DHX57: variants seen among roughly 807,000 people sequenced by gnomAD.
DHX57 encodes the protein putative ATP-dependent RNA helicase DHX57.
DHX57 carries 105 observed loss-of-function variants against 156.2 expected under a neutral mutation model. The observed-to-expected ratio is 0.67, with a 90% CI of 0.57 to 0.79. DHX57 has a LOEUF of 0.79. DHX57 is among the 30% of genes least tolerant of loss of function. The probability of loss-of-function intolerance (pLI) is 0.00; values close to 1 mark genes in which losing one functional copy is unlikely to be tolerated. For synonymous variants in DHX57, 704 were observed against 595.6 expected (o/e 1.18, Z -2.65); for missense variants, 1,847 against 1,661.9 (o/e 1.11, Z -1.94).
intron 21 of DHX57, chr2:38,811,144 G>A: frequency 1.9e-6 from 1 of 524,272 alleles, no homozygotes; most frequent in Non-Finnish European, 3.6e-6. Flanking sequence ...TGTTCCATGG[G>A]TGCTTCAGAG....
intron 17 of DHX57, 130 bp downstream of exon 17, chr2:38,822,863 C>T (rs2148558993): frequency 1.1e-6 from 1 of 918,840 alleles, no homozygotes; most frequent in Non-Finnish European, 1.6e-6. Flanking sequence ...GCAGATGTGC[C>T]CTAAAAATTC....
chr2:38,861,440 C>G lies in DHX57; in HGVS notation c.970G>C (p.Glu324Gln). The G allele has an allele frequency of 7.4e-6, 12 of 1,614,058 alleles. No homozygotes were observed. Among genetic ancestry groups the G allele is most frequent in the Non-Finnish European group, 1.0e-5 (12 of 1,180,014 alleles). The change falls in exon 5 of 24, where the codon GAA (glutamate) becomes CAA (glutamine). Residue 324 changes from glutamate to glutamine, a missense_variant. Coordinates refer to ENST00000457308, the MANE Select transcript of DHX57 (RefSeq NM_198963.3). Reference protein sequence around the residue: ...KFGSKCRFKHEVPPNQIVGRI... With the variant: ...KFGSKCRFKHQVPPNQIVGRI... The stretch of plus-strand genomic sequence containing the variant: ...CCAACAATTTGATTTGGGGGCACTT[C>G]ATGTTTGAATCTGCATTTTGATCCA...
rs776116114 is a variant in DHX57, at chr2:38,868,363, C to T, written c.43G>A (p.Gly15Ser). The T allele has an allele frequency of 1.2e-6, 2 of 1,613,630 alleles. No individual in the cohort carries two copies. The highest frequency in any genetic ancestry group is 2.7e-5 in the African/African-American group (2 of 74,910). ...CCTCCTCTAGAAGACCCTTTTCCAC[C>T]TCCTTTGCCTGGCTTGCCTTTTCTT... ...VRRKGKPGKGGGKGSSRGGRG... is the reference protein window; with the variant it reads ...VRRKGKPGKGSGKGSSRGGRG... The change falls in exon 2 of 24, where the codon GGT becomes AGT. Residue 15 changes from glycine (G) to serine (S), a missense_variant. Gly to Ser is a moderately conservative substitution (Grantham distance 56, BLOSUM62 0). Coordinates refer to ENST00000457308, the MANE Select transcript of DHX57 (RefSeq NM_198963.3).
chr2:38,801,664 G>C (rs184857563), intron 23 of DHX57, among the ~76,000 whole-genome samples: 223 of 151,826 alleles, frequency 1.5e-3, no homozygotes, highest in Admixed American at 3.9e-3. Flanking sequence ...GCGCAATCTC[G>C]GCTCACTGCA....
chr2:38,806,275 T>C (rs1669931499), intron 22 of DHX57: 2 of 326,050 alleles, frequency 6.1e-6, no homozygotes, highest in South Asian at 1.3e-4. Flanking sequence ...ACAGATTCAG[T>C]GATGTAATTA....
Position 38,856,324 on chromosome 2 carries a change from T to C in DHX57, c.1709+16A>G, listed in dbSNP as rs576934129. On this transcript the variant is annotated intron_variant, in intron 7 of 23. Coordinates refer to ENST00000457308, the MANE Select transcript of DHX57 (RefSeq NM_198963.3). The stretch of plus-strand genomic sequence containing the variant: ...TTTATAGATGAAAGCTACAGATGAA[T>C]AAACTGCATTCTTACCCAGTCATAC... The C allele has an allele frequency of 3.1e-6, 5 of 1,602,862 alleles. No homozygotes were observed. Among genetic ancestry groups the C allele is most frequent in the Non-Finnish European group, 4.2e-6 (5 of 1,176,910 alleles).
intron 2 of DHX57, 91 bp downstream of exon 2, chr2:38,868,091 C>A (rs574556248): frequency 1.3e-6 from 2 of 1,489,988 alleles, no homozygotes; most frequent in Non-Finnish European, 1.8e-6. Flanking sequence ...CAGAATTACT[C>A]GACTTTTTTT....
intron 21 of DHX57, chr2:38,810,387 G>C: frequency 2.0e-6 from 1 of 497,264 alleles, no homozygotes; most frequent in South Asian, 1.5e-5. Flanking sequence ...CCTGTACTTG[G>C]GGAATCTGCA....
chr2:38,870,177 C>T (rs955458205), intron 1 of DHX57, among the ~76,000 whole-genome samples: 4 of 151,430 alleles, frequency 2.6e-5, no homozygotes, highest in South Asian at 2.1e-4. Context: ...ACAGAGAGAA[C>T]GATAAATGAA....
intron 16 of DHX57, among the ~76,000 whole-genome samples, chr2:38,824,376 G>A (rs1292114786): frequency 1.3e-5 from 2 of 152,182 alleles, no homozygotes; most frequent in African/African-American, 2.4e-5. Flanking sequence ...GAGAGTTGCA[G>A]TCCAATAGGT....
At chr2:38,845,864 A>G (rs933513819) in intron 11 of DHX57, among the ~76,000 whole-genome samples, 5 of 143,164 alleles carry the variant, frequency 3.5e-5, no homozygotes, top group African/African-American at 1.3e-4. Context: ...ATAATAGCTA[A>G]CTTTTTTTTT....
intron 21 of DHX57, chr2:38,811,496 G>A (rs1670245994): frequency 2.5e-6 from 2 of 797,672 alleles, no homozygotes; most frequent in East Asian, 5.6e-5. Flanking sequence ...TGGACCCAAG[G>A]TTCAGTGCCT....
intron 22 of DHX57, among the ~76,000 whole-genome samples, chr2:38,805,426 C>G (rs947526152): frequency 5.3e-5 from 8 of 152,082 alleles, no homozygotes; most frequent in African/African-American, 1.9e-4. Context: ...TTGACATAGT[C>G]TAATTGATGT....
At chr2:38,818,476 C>T (rs764255625) in intron 19 of DHX57, among the ~76,000 whole-genome samples, 5 of 152,080 alleles carry the variant, frequency 3.3e-5, no homozygotes, top group Non-Finnish European at 5.9e-5. Context: ...GCAAGTGAGC[C>T]GAGATCGCAC....
chr2:38,841,732 G>A (rs58080550), intron 12 of DHX57, among the ~76,000 whole-genome samples: 2,177 of 152,298 alleles, frequency 0.014, 65 homozygotes, highest in African/African-American at 0.05. Flanking sequence ...CCTGCTTGTA[G>A]TCTAGGCTTC....
intron 21 of DHX57, chr2:38,811,607 G>A (rs1670251610): frequency 7.3e-7 from 1 of 1,371,618 alleles, no homozygotes; most frequent in Admixed American, 1.7e-5. Flanking sequence ...TGCAGGAGGT[G>A]TCCAGGCCGG....
At chr2:38,827,485 C>CAA (rs1196817843) in intron 14 of DHX57, among the ~76,000 whole-genome samples, 444 of 8,314 alleles carry the variant, frequency 0.053, 28 homozygotes, top group Admixed American at 0.061. Flanking sequence ...GACTCTGTCT[C>CAA]AAAAAAAAAA....
chr2:38,875,812 C>T lies in DHX57; in HGVS notation c.-32G>A. ...CTGGCTCGCAGAGTTGGGTCCCGAG[C>T]CGGCTGTCGGGAGGTGCTGCCCAAG... On this transcript the variant is annotated 5_prime_UTR_variant, in exon 1 of 24. Transcript: ENST00000457308. 1.0e-5 allele frequency: 4 copies of T among 385,408 alleles called. No homozygotes were observed. Among genetic ancestry groups the T allele is most frequent in the Non-Finnish European group, 1.4e-5 (3 of 218,110 alleles). 23.9% of individuals were successfully genotyped at this position (385,408 alleles called of 1,614,324 possible).
chr2:38,843,021 G>C lies in DHX57; in HGVS notation c.2409C>G (p.Leu803=), dbSNP rs1433604326. ...VPDQQLDFKQ[L]LARYKGVSKS... ...GCATGTTACCTTTATAGCGGGCCAGGAGCTGCTTAAAATCTAACTGTTGAT... is the reference window on the plus strand; with the variant it reads ...GCATGTTACCTTTATAGCGGGCCAGCAGCTGCTTAAAATCTAACTGTTGAT... The change falls in exon 12 of 24, where the codon CTC becomes CTG. Residue 803 remains leucine, a synonymous_variant. Coordinates refer to ENST00000457308, the MANE Select transcript of DHX57 (RefSeq NM_198963.3). 6.2e-7 allele frequency: 1 copy of C among 1,614,084 alleles called. No homozygotes were observed. Among genetic ancestry groups the C allele is most frequent in the African/African-American group, 1.3e-5 (1 of 75,018 alleles).
Sources: gnomAD v4.1 joint callset for allele counts (sites outside exome capture counted in the v4.1 genomes callset) on GRCh38, gnomAD v4.1.1 for gene constraint, MANE v1.5 for transcripts, NCBI Gene and HGNC (gene_info 2026-07-23, HGNC 2026-07-21) for gene names.